TSPOAP1: variants seen among roughly 807,000 people sequenced by gnomAD.
The protein encoded by TSPOAP1 is peripheral-type benzodiazepine receptor-associated protein 1.
TSPOAP1 carries 87 observed loss-of-function variants against 197.0 expected under a neutral mutation model. That is an observed-to-expected ratio of 0.44 (90% confidence interval 0.37 to 0.53). TSPOAP1 has a LOEUF of 0.53. Among genes scored for constraint, TSPOAP1 ranks in the 20% least tolerant of loss-of-function variants. The probability of loss-of-function intolerance (pLI) is 0.00; values close to 1 mark genes in which losing one functional copy is unlikely to be tolerated. For missense variants in TSPOAP1, 2,174 were observed against 2,411.3 expected, an observed-to-expected ratio of 0.90 and a Z score of 2.06; for synonymous variants, 913 against 998.9, an observed-to-expected ratio of 0.91 and a Z score of 1.62.
intron 5 of TSPOAP1, among the ~76,000 whole-genome samples, chr17:58,323,899 A>T (rs1971479058): frequency 6.6e-6 from 1 of 152,184 alleles, no homozygotes; most frequent in Non-Finnish European, 1.5e-5. Flanking sequence ...TCCTTCAGCG[A>T]CTGGCAGAGA....
rs1471874451 is a variant in TSPOAP1 at position 58,323,056 on chromosome 17, G to T, written c.1105-17C>A. ...CTGCAGTTCCTGAGCGGGCAGAGGA[G>T]CTCTCAGGAGGGAGCCCAGCACCCA... On this transcript the variant is annotated splice_polypyrimidine_tract_variant and intron_variant, in intron 7 of 31. Transcript: ENST00000343736. The T allele has an allele frequency of 6.3e-7, 1 of 1,597,358 alleles. No homozygotes were observed. Among genetic ancestry groups the T allele is most frequent in the Non-Finnish European group, 8.5e-7 (1 of 1,171,872 alleles).
chr17:58,308,590 T>C lies in TSPOAP1; in HGVS notation c.4682A>G (p.Glu1561Gly), dbSNP rs888955578. ...GCCCGTCGCACTGCGGCCTCTCCGC[T>C]CTGGTTCCCCTTTCTCCCAGGCTGG... ...RLPAWEKGEP[E>G]RRGRSATGRA... is the part of the protein sequence containing the mutation. Residue 1561 changes from glutamate (E) to glycine (G), a missense_variant, in exon 22 of 32, where the codon GAG (glutamate) becomes GGG (glycine). Coordinates refer to ENST00000343736, the MANE Select transcript of TSPOAP1 (RefSeq NM_004758.4). 2 of 1,580,034 alleles carry C rather than the reference T, an allele frequency of 1.3e-6. No homozygotes were observed. Among genetic ancestry groups the C allele is most frequent in the Non-Finnish European group, 1.7e-6 (2 of 1,160,844 alleles).
Position 58,324,263 on chromosome 17 carries a change from G to A in TSPOAP1, c.942+548C>T, listed in dbSNP as rs562101512. Among the ~76,000 whole-genome samples the A allele has an allele frequency of 1.0e-3, 157 of 152,312 alleles. No homozygotes were observed. Among genetic ancestry groups the A allele is most frequent in the Non-Finnish European group, 2.1e-3 (140 of 68,014 alleles). On this transcript the variant is annotated intron_variant, in intron 5 of 31. Coordinates refer to ENST00000343736, the MANE Select transcript of TSPOAP1 (RefSeq NM_004758.4). The surrounding 1 kb of genome is among the most constrained non-coding windows in gnomAD (Gnocchi z 5.8). ...CTTGCTGCCTACCTAGGATGATGGC[G>A]AGAAGCCAGACCCTTAAGTTCTGGG... is the stretch of plus-strand genomic sequence containing the variant.
At position 58,322,623 on chromosome 17, in the gene TSPOAP1, G is replaced by A; in HGVS notation, c.1317+31C>T. ...CACTTGCTCCCCATGCCAGGGCCCA[G>A]CACCCTCTCCCACCTGCACCATCTC... On this transcript the variant is annotated intron_variant, in intron 9 of 31. Transcript: ENST00000343736. This position sits in a 1 kb window ranked among gnomAD's most constrained non-coding sequence, Gnocchi z 5.0. 6.2e-7 allele frequency: 1 copy of A among 1,604,852 alleles called. No individual in the cohort carries two copies. Among genetic ancestry groups the A allele is most frequent in the East Asian group, 2.2e-5 (1 of 44,846 alleles).
chr17:58,308,042 G>A (rs961823256), intron 22 of TSPOAP1, 101 bp from the exon 23 acceptor site: 10 of 1,185,872 alleles, frequency 8.4e-6, no homozygotes, highest in African/African-American at 1.5e-5. Context: ...GCACAGCAGC[G>A]CAGGAGCACA....
intron 25 of TSPOAP1, 31 bp downstream of exon 25, chr17:58,306,769 G>A: frequency 6.3e-7 from 1 of 1,591,018 alleles, no homozygotes; most frequent in Non-Finnish European, 8.6e-7. Context: ...GGGCTGGTGG[G>A]AGGTGGGTGA....
Position 58,327,853 on chromosome 17 carries a change from G to A in TSPOAP1, c.68C>T (p.Thr23Ile), listed in dbSNP as rs1168262221. 3 of 1,613,642 alleles carry A rather than the reference G, an allele frequency of 1.9e-6. No individual in the cohort carries two copies. The highest frequency in any genetic ancestry group is 1.1e-5 in the South Asian group (1 of 91,086). The change falls in exon 1 of 32, where the codon ACC becomes ATC. Residue 23 changes from threonine (T) to isoleucine (I), a missense_variant. By Grantham distance (89) the Thr-to-Ile change is moderately conservative. Coordinates refer to ENST00000343736, the MANE Select transcript of TSPOAP1 (RefSeq NM_004758.4). ...PGAMEPWALP[T>I]WHSWTPGRGG... ...TCGACCTGGAGTCCAGCTATGCCAG[G>A]TGGGCAGTGCCCATGGCTCCATGGC...
intron 15 of TSPOAP1, 80 bp from the exon 16 acceptor site, chr17:58,316,212 A>G (rs907171962): frequency 2.3e-5 from 29 of 1,280,242 alleles, no homozygotes; most frequent in Non-Finnish European, 3.1e-5. Flanking sequence ...CTCCCACTGC[A>G]CTGAGCCTTT....
intron 4 of TSPOAP1, 199 bp downstream of exon 4, chr17:58,325,335 A>C (rs970869579): frequency 3.1e-5 from 21 of 684,060 alleles, no homozygotes; most frequent in Non-Finnish European, 9.7e-6. Context: ...CCTGGAGCAC[A>C]GAAATGCCCA....
chr17:58,312,815 A>G, intron 16 of TSPOAP1, 93 bp from the exon 17 acceptor site: 1 of 908,978 alleles, frequency 1.1e-6, no homozygotes, highest in Non-Finnish European at 1.6e-6. Flanking sequence ...AGCAACTGCT[A>G]GTGGGTGATC....
rs1484644606 is a variant in TSPOAP1, at chr17:58,326,852, C to T, written c.334-62G>A. Reference sequence around the variant, plus strand: ...ACCCACGTCACCCAGCCAGAGCCTTCCCTGTGGAAGCATCCACCATCCATG... The same window carrying T: ...ACCCACGTCACCCAGCCAGAGCCTTTCCTGTGGAAGCATCCACCATCCATG... On this transcript the variant is annotated intron_variant, in intron 1 of 31. Transcript: ENST00000343736. This position sits in a 1 kb window ranked among gnomAD's most constrained non-coding sequence, Gnocchi z 4.7. 11 of 1,396,880 alleles carry T rather than the reference C, an allele frequency of 7.9e-6. No homozygotes were observed. Among genetic ancestry groups the T allele is most frequent in the African/African-American group, 1.4e-5 (1 of 70,388 alleles). 86.5% of individuals were successfully genotyped at this position (1,396,880 alleles called of 1,614,324 possible). A position where few individuals can be genotyped will look rare whatever the true frequency, so the allele number is the denominator to read the frequency against.
In TSPOAP1 at chr17:58,307,066, G is replaced by A. The variant is rs149743458; in HGVS notation, c.4984-98C>T. 30 of 1,317,694 alleles carry A rather than the reference G, an allele frequency of 2.3e-5. No homozygotes were observed. In the African/African-American group the frequency reaches 4.4e-4, roughly 19 times the overall value. 81.6% of individuals were successfully genotyped at this position (1,317,694 alleles called of 1,614,324 possible). A position where few individuals can be genotyped will look rare whatever the true frequency, so the allele number is the denominator to read the frequency against. On this transcript the variant is annotated intron_variant, in intron 24 of 31. Coordinates refer to ENST00000343736, the MANE Select transcript of TSPOAP1 (RefSeq NM_004758.4). Reference sequence around the variant, plus strand: ...ACCCCACTTGGAAATGCAGAAGAATGTTCTCCCTTTTGTATGCCATGAAAT... The same window carrying A: ...ACCCCACTTGGAAATGCAGAAGAATATTCTCCCTTTTGTATGCCATGAAAT...
At position 58,308,652 on chromosome 17, in the gene TSPOAP1, C is replaced by T. The variant is rs774367198; in HGVS notation, c.4620G>A (p.Pro1540=). The T allele has an allele frequency of 2.3e-5, 37 of 1,610,160 alleles. No individual in the cohort carries two copies. Among genetic ancestry groups the T allele is most frequent in the East Asian group, 1.8e-4 (8 of 44,790 alleles). Residue 1540 remains proline (P), a synonymous_variant, in exon 22 of 32, where the codon CCG becomes CCA. Coordinates refer to ENST00000343736, the MANE Select transcript of TSPOAP1 (RefSeq NM_004758.4). ...AGGGCTTGGGGCCTGAATTGGCCTT[C>T]GGAGGCCCCCTGGGCCTTCCTACAG... is the stretch of plus-strand genomic sequence containing the variant. ...TATVGRPRGP[P]KANSGPKPYP... is the part of the protein sequence containing the mutation.
rs1448931725 is a variant in TSPOAP1 at position 58,311,585 on chromosome 17, C to A, written c.3067G>T (p.Ala1023Ser). 1 of 1,588,728 alleles carries A rather than the reference C, an allele frequency of 6.3e-7. No individual in the cohort carries two copies. Among genetic ancestry groups the A allele is most frequent in the South Asian group, 1.1e-5 (1 of 87,856 alleles). ...GVRVTGYAIY[A>S]DGQKIMEVAS... ...CAGGGCTATACCTTCTGCCCATCAG[C>A]GTAGATGGCATAGCCTGTGACCCGG... Residue 1023 changes from alanine to serine, a missense_variant, in exon 18 of 32, where the codon GCT becomes TCT. Coordinates refer to ENST00000343736, the MANE Select transcript of TSPOAP1 (RefSeq NM_004758.4).
chr17:58,318,971 C>G, intron 13 of TSPOAP1, 119 bp downstream of exon 13: 1 of 1,188,342 alleles, frequency 8.4e-7, no homozygotes, highest in Non-Finnish European at 1.1e-6. Context: ...CCAGGCACAG[C>G]TCTAACCTGC....
intron 27 of TSPOAP1, 34 bp from the exon 28 acceptor site, chr17:58,305,677 C>G: frequency 7.3e-7 from 1 of 1,365,962 alleles, no homozygotes; most frequent in Non-Finnish European, 1.0e-6. Context: ...TCTGGACTCT[C>G]TGGAGAGCCC....
At chr17:58,312,761 G>T (rs1443878676) in intron 16 of TSPOAP1, 39 bp from the exon 17 acceptor site, 2 of 1,542,492 alleles carry the variant, frequency 1.3e-6, no homozygotes, top group Admixed American at 2.0e-5. Context: ...GGCAGGGGAA[G>T]ACAGAGAGGA....
rs146136234 is a variant in TSPOAP1, at chr17:58,323,019, C to T, written c.1125G>A (p.Ala375=). Residue 375 remains alanine (A), a synonymous_variant, in exon 8 of 32, where the codon GCG becomes GCA. Coordinates refer to ENST00000343736, the MANE Select transcript of TSPOAP1 (RefSeq NM_004758.4). ...CEELELQLRQ[A]QNENARLVEE... is the part of the protein sequence containing the mutation. Reference sequence around the variant, plus strand: ...CCACCAGGCGGGCATTCTCATTCTGCGCTTGTCTCAGCTGCAGTTCCTGAG... The same window carrying T: ...CCACCAGGCGGGCATTCTCATTCTGTGCTTGTCTCAGCTGCAGTTCCTGAG... 7 of 1,610,052 alleles carry T rather than the reference C, an allele frequency of 4.3e-6. No homozygotes were observed. The highest frequency in any genetic ancestry group is 3.3e-5 in the South Asian group (3 of 90,272).
At chr17:58,327,567 A>G in intron 1 of TSPOAP1, 21 bp downstream of exon 1, 1 of 1,600,808 alleles carries the variant, frequency 6.2e-7, no homozygotes, top group Non-Finnish European at 8.5e-7. Context: ...TGCAGACCCC[A>G]GCCCTCCACA....
Sources: allele counts gnomAD v4.1 joint callset (sites outside exome capture counted in the v4.1 genomes callset), GRCh38; gene constraint gnomAD v4.1.1; non-coding constraint Gnocchi (gnomAD v3.1); transcripts MANE v1.5; gene names NCBI Gene and HGNC (gene_info 2026-07-23, HGNC 2026-07-21).